NBAS: variants seen among roughly 807,000 people sequenced by gnomAD.
NBAS encodes NBAS subunit of NRZ tethering complex.
NBAS carries 219 observed loss-of-function variants against 302.5 expected under a neutral mutation model. The observed-to-expected ratio is 0.72, with a 90% confidence interval of 0.65 to 0.81. The LOEUF is 0.81. Ranked by LOEUF, NBAS falls within the 30% of genes least tolerant of loss-of-function variation. NBAS has a pLI of 0.00. For synonymous variants in NBAS, 1,118 were observed against 1,021.6 expected, an observed-to-expected ratio of 1.09 and a Z score of -1.80; for missense variants, 2,932 against 2,841.6, an observed-to-expected ratio of 1.03 and a Z score of -0.72.
chr2:15,188,303 A>G (rs1419450917), intron 49 of NBAS, among the ~76,000 whole-genome samples: 2 of 152,222 alleles, frequency 1.3e-5, no homozygotes, highest in African/African-American at 4.8e-5. Flanking sequence ...CTTAAGTTGT[A>G]ACCTTTTTGT....
At chr2:15,114,582 T>C in the NBAS span, among the ~76,000 whole-genome samples, 12 of 152,180 alleles carry the variant, frequency 7.9e-5, no homozygotes, top group African/African-American at 1.9e-4. Flanking sequence ...CTTGAAAATA[T>C]ACCACCTTCA....
At chr2:15,219,046 C>T in intron 47 of NBAS, 78 bp from the exon 48 acceptor site, 1 of 1,536,736 alleles carries the variant, frequency 6.5e-7, no homozygotes. Context: ...AATGTGGTCA[C>T]TGACCTAACA....
chr2:15,247,826 A>G (rs1668173718), intron 44 of NBAS, among the ~76,000 whole-genome samples: 1 of 152,002 alleles, frequency 6.6e-6, no homozygotes, highest in Non-Finnish European at 1.5e-5. Context: ...AGAGACCTAC[A>G]AAGAGACTTA....
intron 29 of NBAS, among the ~76,000 whole-genome samples, chr2:15,382,729 G>C (rs770567563): frequency 6.6e-6 from 1 of 152,182 alleles, no homozygotes; most frequent in Non-Finnish European, 1.5e-5. Flanking sequence ...CTAAGGAGTA[G>C]AGCTACTTTT....
chr2:15,342,093 A>C (rs1414552907), intron 35 of NBAS, among the ~76,000 whole-genome samples: 1 of 152,186 alleles, frequency 6.6e-6, no homozygotes, highest in East Asian at 1.9e-4. Context: ...AAAGTTATAA[A>C]AATAAACCAC....
chr2:15,089,350 T>A, the NBAS span, among the ~76,000 whole-genome samples: 3 of 152,120 alleles, frequency 2.0e-5, no homozygotes, highest in East Asian at 5.8e-4. Flanking sequence ...GCCCGAAGTA[T>A]TTTAAAATTC....
At chr2:15,379,867 A>G in intron 29 of NBAS, 36 bp from the exon 30 acceptor site, 1 of 1,583,114 alleles carries the variant, frequency 6.3e-7, no homozygotes, top group Non-Finnish European at 8.7e-7. Context: ...AGTTATAGAG[A>G]GGGAAGATTC....
chr2:15,478,140 A>G (rs370377656), intron 13 of NBAS, 86 bp downstream of exon 13: 1 of 971,542 alleles, frequency 1.0e-6, no homozygotes. Context: ...AAAAGTATCT[A>G]GAGACTTTTT....
Position 15,259,339 on chromosome 2 carries a change from C to T in NBAS, c.5724+16145G>A, listed in dbSNP as rs11902214. Among the ~76,000 whole-genome samples, 64 of 152,300 alleles carry T rather than the reference C, an allele frequency of 4.2e-4. 1 individual carries two copies. Among genetic ancestry groups the T allele is most frequent in the Admixed American group, 2.7e-3 (41 of 15,286 alleles). On this transcript the variant is annotated intron_variant, in intron 44 of 51. Coordinates refer to ENST00000281513, the MANE Select transcript of NBAS (RefSeq NM_015909.4). ...CTCCATCCAAACCCCTGCATTAATA[C>T]GCTTGACCAAATTTTAGCAGGGCTT...
At chr2:14,818,184 G>T in the NBAS span, among the ~76,000 whole-genome samples, 3 of 152,088 alleles carry the variant, frequency 2.0e-5, no homozygotes, top group African/African-American at 7.2e-5. Flanking sequence ...GGTTTCTTTA[G>T]AAATCACCTC....
At position 15,277,010 on chromosome 2, in the gene NBAS, C is replaced by T; in HGVS notation, c.5230G>A (p.Val1744Ile). The part of the protein sequence containing the change: ...TDPEAFHQHM[V>I]KYIYPTIGGF... The stretch of plus-strand genomic sequence containing the variant: ...CCAATAGTAGGGTAAATATACTTGA[C>T]CATGTGCTGGTGAAAGGCTTCTGGA... The change falls in exon 43 of 52, where the codon GTC becomes ATC. Residue 1744 changes from valine (V) to isoleucine (I), a missense_variant. Val to Ile is a conservative substitution (Grantham distance 29). Coordinates refer to ENST00000281513, the MANE Select transcript of NBAS (RefSeq NM_015909.4). 6.2e-7 allele frequency: 1 copy of T among 1,613,940 alleles called. No homozygotes were observed. The highest frequency in any genetic ancestry group is 8.5e-7 in the Non-Finnish European group (1 of 1,179,952).
the NBAS span, among the ~76,000 whole-genome samples, chr2:14,824,672 G>A: frequency 7.9e-5 from 12 of 152,234 alleles, no homozygotes; most frequent in African/African-American, 2.2e-4. Context: ...GAAATTTGGC[G>A]GGGCAGAGGT....
intron 9 of NBAS, among the ~76,000 whole-genome samples, chr2:15,525,088 T>C (rs1451146228): frequency 6.6e-6 from 1 of 152,166 alleles, no homozygotes; most frequent in Non-Finnish European, 1.5e-5. Context: ...TTATCCAGAT[T>C]TAAATGACCG....
the NBAS span, among the ~76,000 whole-genome samples, chr2:15,102,811 C>T: frequency 6.6e-6 from 1 of 152,156 alleles, no homozygotes; most frequent in African/African-American, 2.4e-5. Context: ...CAGACTCAGA[C>T]TAACTTGGAA....
chr2:15,176,553 G>A (rs928861902), intron 51 of NBAS, among the ~76,000 whole-genome samples: 6 of 152,094 alleles, frequency 3.9e-5, no homozygotes, highest in Admixed American at 3.3e-4. Flanking sequence ...GTCAGCAACC[G>A]GGTCATAATA....
chr2:15,258,575 G>A (rs1218964213), intron 44 of NBAS, among the ~76,000 whole-genome samples: 1 of 152,130 alleles, frequency 6.6e-6, no homozygotes, highest in East Asian at 1.9e-4. Flanking sequence ...ACGCGGTTGA[G>A]ATAAGGACTG....
At chr2:15,220,035 T>TC (rs1666868725) in intron 47 of NBAS, among the ~76,000 whole-genome samples, 1 of 113,758 alleles carries the variant, frequency 8.8e-6, no homozygotes, top group Non-Finnish European at 1.8e-5. Flanking sequence ...GGGGGGCTGA[T>TC]CCCCCCACCT....
intron 48 of NBAS, among the ~76,000 whole-genome samples, chr2:15,207,829 C>G (rs1360783946): frequency 3.3e-5 from 5 of 152,086 alleles, no homozygotes; most frequent in Non-Finnish European, 7.4e-5. Flanking sequence ...AACCTCTTTT[C>G]TTTATAAATT....
rs116781633 is a variant in NBAS at position 15,345,824 on chromosome 2, C to T, written c.4179+6168G>A. On this transcript the variant is annotated intron_variant, in intron 35 of 51. Coordinates refer to ENST00000281513, the MANE Select transcript of NBAS (RefSeq NM_015909.4). ...AAAACAGACATATAGACCAAAGGAA[C>T]AGAACAGAGACCTCACAAATACCAC... is the stretch of plus-strand genomic sequence containing the variant. 8.2e-3 allele frequency among the ~76,000 whole-genome samples: 1,254 copies of T among 152,234 alleles called. 17 individuals carry two copies. The highest frequency in any genetic ancestry group is 0.029 in the African/African-American group (1,211 of 41,530).
Sources: allele counts gnomAD v4.1 joint callset (sites outside exome capture counted in the v4.1 genomes callset), GRCh38; gene constraint gnomAD v4.1.1; transcripts MANE v1.5; gene names NCBI Gene and HGNC (gene_info 2026-07-23, HGNC 2026-07-21).